DNAJB11: variants seen among roughly 807,000 people sequenced by gnomAD.
DNAJB11 encodes the protein dnaJ homolog subfamily B member 11.
DNAJB11 carries 30 observed loss-of-function variants against 47.2 expected under a neutral mutation model. That is an observed-to-expected ratio of 0.64 (90% CI 0.48 to 0.86). DNAJB11 has a LOEUF of 0.86. Ranked by LOEUF, DNAJB11 falls within the 40% of genes least tolerant of loss-of-function variation. The pLI is 0.00. For synonymous variants in DNAJB11, 151 were observed against 159.9 expected, an observed-to-expected ratio of 0.94 and a Z score of 0.42; for missense variants, 357 against 440.2, an observed-to-expected ratio of 0.81 and a Z score of 1.69.
intron 1 of DNAJB11, among the ~76,000 whole-genome samples, chr3:186,571,503 G>A (rs570436891): frequency 6.6e-6 from 1 of 152,272 alleles, no homozygotes; most frequent in South Asian, 2.1e-4. Context: ...GCCCGAGTTG[G>A]GACTGAACGA....
chr3:186,571,037 G>GGGC, intron 1 of DNAJB11, 72 bp downstream of exon 1: 1 of 940,414 alleles, frequency 1.1e-6, no homozygotes, highest in Non-Finnish European at 1.6e-6. Flanking sequence ...GGGGGTGGGG[G>GGGC]AAGTGGCATT....
chr3:186,573,425 G>C lies in DNAJB11; in HGVS notation c.225+1174G>C, dbSNP rs552895304. Reference sequence around the variant, plus strand: ...TTTGAGACAGAGTCTCGCTCTGTCTGCCAAGCTGGAGTAGAGTGGCACGAT... The same window carrying C: ...TTTGAGACAGAGTCTCGCTCTGTCTCCCAAGCTGGAGTAGAGTGGCACGAT... On this transcript the variant is annotated intron_variant, in intron 2 of 9. Coordinates refer to ENST00000265028, the MANE Select transcript of DNAJB11 (RefSeq NM_016306.6). 3.3e-5 allele frequency among the ~76,000 whole-genome samples: 5 copies of C among 152,088 alleles called. No homozygotes were observed. The East Asian group carries it at 9.7e-4, about 29-fold the overall frequency.
chr3:186,581,283 A>G (rs1715474006), intron 4 of DNAJB11, 88 bp from the exon 5 acceptor site: 4 of 1,455,962 alleles, frequency 2.7e-6, no homozygotes, highest in African/African-American at 1.4e-5. Context: ...GTTTCAGTCC[A>G]GGCATATGTG....
At position 186,581,361 on chromosome 3, in the gene DNAJB11, C is replaced by T; in HGVS notation, c.457-10C>T. On this transcript the variant is annotated splice_polypyrimidine_tract_variant and intron_variant, in intron 4 of 9. Coordinates refer to ENST00000265028, the MANE Select transcript of DNAJB11 (RefSeq NM_016306.6). ...AAGAGAGAAGCTGATGTTGTTTATGCACTTCCTAGGTAGTTAGAAACAAAC... is the reference window on the plus strand; with the variant it reads ...AAGAGAGAAGCTGATGTTGTTTATGTACTTCCTAGGTAGTTAGAAACAAAC... The T allele has an allele frequency of 1.9e-6, 3 of 1,612,858 alleles. No homozygotes were observed. Among genetic ancestry groups the T allele is most frequent in the Non-Finnish European group, 2.5e-6 (3 of 1,179,490 alleles).
intron 2 of DNAJB11, among the ~76,000 whole-genome samples, chr3:186,573,804 G>GT (rs1448501795): frequency 7.9e-5 from 12 of 152,152 alleles, no homozygotes; most frequent in Non-Finnish European, 1.5e-4. Context: ...ATTTTGCACT[G>GT]TATTTTCCAT....
rs1364551229 is a variant in DNAJB11 at position 186,570,845 on chromosome 3, C to A, written c.-53C>A. ...CGGGTGGGCTGGCGAGCCGACGCGGCGGCGGAGGAGGCTGTGAGGAGTGTG... is the reference window on the plus strand; with the variant it reads ...CGGGTGGGCTGGCGAGCCGACGCGGAGGCGGAGGAGGCTGTGAGGAGTGTG... On this transcript the variant is annotated 5_prime_UTR_variant, in exon 1 of 10. Transcript: ENST00000265028. 5.8e-6 allele frequency: 9 copies of A among 1,543,528 alleles called. No homozygotes were observed. Among genetic ancestry groups the A allele is most frequent in the East Asian group, 2.4e-5 (1 of 40,870 alleles).
At chr3:186,582,496 T>C (rs1348741396) in intron 6 of DNAJB11, among the ~76,000 whole-genome samples, 1 of 152,184 alleles carries the variant, frequency 6.6e-6, no homozygotes, top group Non-Finnish European at 1.5e-5. Context: ...GTATCATTCT[T>C]TGTTTAGGAA....
chr3:186,574,298 A>C (rs1225957847), intron 2 of DNAJB11, among the ~76,000 whole-genome samples: 5 of 152,178 alleles, frequency 3.3e-5, no homozygotes, highest in African/African-American at 1.2e-4. Context: ...AGTAGTTTTT[A>C]GGGGGTTATT....
At chr3:186,576,206 A>G (rs538616429) in intron 3 of DNAJB11, among the ~76,000 whole-genome samples, 78 of 152,356 alleles carry the variant, frequency 5.1e-4, no homozygotes, top group Non-Finnish European at 9.3e-4. Flanking sequence ...TGTGTTGGAA[A>G]TCAGTTCATC....
chr3:186,578,032 T>C (rs987749629), intron 4 of DNAJB11: 4 of 286,836 alleles, frequency 1.4e-5, no homozygotes, highest in Non-Finnish European at 2.6e-5. Context: ...ACCTACATGC[T>C]ACTTCCCTGT....
At chr3:186,573,636 C>T (rs1025976963) in intron 2 of DNAJB11, among the ~76,000 whole-genome samples, 34 of 152,136 alleles carry the variant, frequency 2.2e-4, no homozygotes, top group African/African-American at 6.5e-4. Context: ...CCACCCGCCT[C>T]GGCTTCCCAA....
chr3:186,576,427 T>G (rs902667619), intron 3 of DNAJB11, among the ~76,000 whole-genome samples: 5 of 152,204 alleles, frequency 3.3e-5, no homozygotes, highest in Admixed American at 3.3e-4. Flanking sequence ...GTGGTTGGAA[T>G]AATAAACACT....
At position 186,582,062 on chromosome 3, in the gene DNAJB11, C is replaced by T; in HGVS notation, c.667C>T (p.Pro223Ser). The T allele has an allele frequency of 6.2e-7, 1 of 1,613,208 alleles. No individual in the cohort carries two copies. The highest frequency in any genetic ancestry group is 8.5e-7 in the Non-Finnish European group (1 of 1,179,346). ...EPGVRDGMEY[P>S]FIGEGEPHVD... ...TGGGGTGAGAGACGGCATGGAGTAC[C>T]CCTTTATTGGAGAAGGTGAAATATT... Residue 223 changes from proline to serine, a missense_variant, in exon 6 of 10, where the codon CCC becomes TCC. By Grantham distance (74) the Pro-to-Ser change is moderately conservative (BLOSUM62 -1). Coordinates refer to ENST00000265028, the MANE Select transcript of DNAJB11 (RefSeq NM_016306.6).
intron 5 of DNAJB11, among the ~76,000 whole-genome samples, chr3:186,581,745 G>T (rs1715492567): frequency 6.6e-6 from 1 of 151,976 alleles, no homozygotes; most frequent in Non-Finnish European, 1.5e-5. Flanking sequence ...TTTTCAACAA[G>T]TATTAATGCT....
chr3:186,584,338 C>T, intron 8 of DNAJB11, 92 bp from the exon 9 acceptor site: 2 of 1,271,840 alleles, frequency 1.6e-6, no homozygotes, highest in Non-Finnish European at 2.1e-6. Flanking sequence ...TGAGCTGTGA[C>T]ATTAGCTTTG....
At chr3:186,580,786 A>G (rs1715456168) in intron 4 of DNAJB11, 1 of 152,262 alleles carries the variant, frequency 6.6e-6, no homozygotes, top group Non-Finnish European at 1.5e-5. Flanking sequence ...TCAATTTTAC[A>G]TTCTTAGAGG....
At position 186,572,208 on chromosome 3, in the gene DNAJB11, C is replaced by T; in HGVS notation, c.182C>T (p.Pro61Leu). ...CATCCCGACCGGAACCCTGATGATCCACAAGCCCAGGAGAAATTCCAGGAT... is the reference window on the plus strand; with the variant it reads ...CATCCCGACCGGAACCCTGATGATCTACAAGCCCAGGAGAAATTCCAGGAT... Reference protein sequence around the residue: ...QLHPDRNPDDPQAQEKFQDLG... With the variant: ...QLHPDRNPDDLQAQEKFQDLG... Residue 61 changes from proline to leucine, a missense_variant, in exon 2 of 10, where the codon CCA becomes CTA. Transcript: ENST00000265028. 1.2e-6 allele frequency: 2 copies of T among 1,613,630 alleles called. No homozygotes were observed. The highest frequency in any genetic ancestry group is 8.5e-7 in the Non-Finnish European group (1 of 1,179,874).
chr3:186,577,880 C>A, intron 4 of DNAJB11, 80 bp downstream of exon 4: 1 of 1,221,364 alleles, frequency 8.2e-7, no homozygotes, highest in Non-Finnish European at 1.1e-6. Context: ...TTATATGTAC[C>A]TTCTCTGTCT....
intron 2 of DNAJB11, among the ~76,000 whole-genome samples, chr3:186,575,359 G>A (rs1256437802): frequency 3.3e-5 from 2 of 60,390 alleles, no homozygotes; most frequent in Admixed American, 3.9e-4. Flanking sequence ...ATACATGCGC[G>A]CGCGCGCGCG....
Sources: allele counts gnomAD v4.1 joint callset (sites outside exome capture counted in the v4.1 genomes callset), GRCh38; gene constraint gnomAD v4.1.1; transcripts MANE v1.5; gene names NCBI Gene and HGNC (gene_info 2026-07-23, HGNC 2026-07-21).